Variants in TENM3 observed in about 807,000 individuals in gnomAD.
TENM3 encodes teneurin transmembrane protein 3, also known as teneurin-3.
A neutral mutation model predicts 255.1 loss-of-function variants in TENM3; 63 were observed. The observed-to-expected ratio is 0.25, with a 90% CI of 0.20 to 0.30. The LOEUF (loss-of-function observed/expected upper bound fraction) is 0.30, where lower values mean the gene tolerates loss of function less well. TENM3 is among the 10% of genes least tolerant of loss of function. The probability of loss-of-function intolerance (pLI) is 1.00; values close to 1 mark genes in which losing one functional copy is unlikely to be tolerated. For missense variants in TENM3, 2,929 were observed against 3,461.1 expected, an observed-to-expected ratio of 0.85 and a Z score of 3.86; for synonymous variants, 1,306 against 1,322.3, an observed-to-expected ratio of 0.99 and a Z score of 0.27.
chr4:182,519,839 T>C lies in TENM3; in HGVS notation c.512-81085T>C, dbSNP rs200880600. Among the ~76,000 whole-genome samples, 16 of 152,308 alleles carry C rather than the reference T, an allele frequency of 1.1e-4. No individual in the cohort carries two copies. The East Asian group carries it at 3.1e-3, about 29-fold the overall frequency. ...CTATATTTCAGAATTTCTAACGGAA[T>C]TTCTAAACATTGGTGACTACTTATG... On this transcript the variant is annotated intron_variant, in intron 3 of 27. Transcript: ENST00000511685.
chr4:182,193,162 A>T (rs1483102967), intron 1 of TENM3, among the ~76,000 whole-genome samples: 1 of 152,200 alleles, frequency 6.6e-6, no homozygotes, highest in African/African-American at 2.4e-5. Context: ...ACCTAGGAGG[A>T]TGCTGTTGTA....
At chr4:182,747,486 C>G (rs568180861) in intron 19 of TENM3, among the ~76,000 whole-genome samples, 1 of 152,246 alleles carries the variant, frequency 6.6e-6, no homozygotes, top group South Asian at 2.1e-4. Flanking sequence ...TTAAAAATGT[C>G]TTTCTTTTAG....
intron 12 of TENM3, chr4:182,711,537 ATGTC>A (rs1758748011): frequency 1.0e-6 from 1 of 963,430 alleles, no homozygotes; most frequent in African/African-American, 1.8e-5. Context: ...CACTTCTGAA[ATGTC>A]TGTCTGTTCT....
intron 16 of TENM3, among the ~76,000 whole-genome samples, chr4:182,733,833 A>G (rs1760962458): frequency 6.6e-6 from 1 of 152,202 alleles, no homozygotes; most frequent in Admixed American, 6.5e-5. Flanking sequence ...CAGGAACTCT[A>G]AACTTCGTAG....
chr4:182,057,708 GT>G, the TENM3 span, among the ~76,000 whole-genome samples: 2 of 151,852 alleles, frequency 1.3e-5, no homozygotes, highest in Non-Finnish European at 2.9e-5. Context: ...GCCCCAAATC[GT>G]TCATTTCACC....
At chr4:182,589,379 T>C (rs1238977735) in intron 3 of TENM3, among the ~76,000 whole-genome samples, 1 of 152,028 alleles carries the variant, frequency 6.6e-6, no homozygotes, top group African/African-American at 2.4e-5. Flanking sequence ...TTTTCCTATG[T>C]ACAGACATTC....
chr4:182,792,586 G>C lies in TENM3; in HGVS notation c.5914G>C (p.Glu1972Gln). ...DSTRVSFTYDETAGVLKTVNL... is the reference protein window; with the variant it reads ...DSTRVSFTYDQTAGVLKTVNL... The stretch of plus-strand genomic sequence containing the variant: ...CACAAGAGTCAGTTTTACCTATGAT[G>C]AAACAGCAGGAGTCCTAAAGACAGT... Residue 1972 changes from glutamate (E) to glutamine (Q), a missense_variant, in exon 26 of 28, where the codon GAA becomes CAA. Physicochemically the swap from Glu to Gln is conservative, Grantham distance 29 (BLOSUM62 2). Around this residue, in one of 6 missense-constraint regions of TENM3, gnomAD observed 303 missense variants for 425.2 expected, o/e 0.71. Coordinates refer to ENST00000511685, the MANE Select transcript of TENM3 (RefSeq NM_001080477.4). This position sits in a 1 kb window ranked among gnomAD's most constrained non-coding sequence, Gnocchi z 6.3. The C allele has an allele frequency of 6.2e-7, 1 of 1,613,994 alleles. No homozygotes were observed. Among genetic ancestry groups the C allele is most frequent in the South Asian group, 1.1e-5 (1 of 91,078 alleles).
the TENM3 span, among the ~76,000 whole-genome samples, chr4:181,595,075 C>T: frequency 6.6e-6 from 1 of 152,134 alleles, no homozygotes; most frequent in Non-Finnish European, 1.5e-5. Context: ...GTCTCCCTGG[C>T]TTCCTCTGCC....
the TENM3 span, among the ~76,000 whole-genome samples, chr4:181,551,868 GTGTGTGTGTGTGTGTGTGTGTA>G: frequency 0.016 from 1,072 of 66,242 alleles, 22 homozygotes; most frequent in African/African-American, 0.039. Flanking sequence ...GTGTGTGTGT[GTGTGTGTGTGTGTGTGTGTGTA>G]TATAAATTTT....
chr4:182,779,322 A>G (rs1385549366), intron 24 of TENM3, among the ~76,000 whole-genome samples: 2 of 150,314 alleles, frequency 1.3e-5, no homozygotes, highest in East Asian at 3.9e-4. Context: ...GTTTTTTTGT[A>G]CTTGCGATAG....
chr4:182,274,679 T>G (rs1759873687), intron 1 of TENM3, among the ~76,000 whole-genome samples: 1 of 152,154 alleles, frequency 6.6e-6, no homozygotes, highest in Non-Finnish European at 1.5e-5. Context: ...AAATTAAAGC[T>G]GAGGTCATTT....
chr4:181,685,590 T>C, the TENM3 span, among the ~76,000 whole-genome samples: 1 of 152,194 alleles, frequency 6.6e-6, no homozygotes, highest in Non-Finnish European at 1.5e-5. Flanking sequence ...TCACATTCAC[T>C]CCCAGAGAGC....
At chr4:182,659,510 G>C (rs1157443457) in intron 6 of TENM3, among the ~76,000 whole-genome samples, 1 of 152,120 alleles carries the variant, frequency 6.6e-6, no homozygotes, top group Admixed American at 6.5e-5. Flanking sequence ...TTGGAACACA[G>C]ACCCTATGGA....
the TENM3 span, among the ~76,000 whole-genome samples, chr4:182,088,232 G>C: frequency 6.6e-6 from 1 of 152,122 alleles, no homozygotes; most frequent in African/African-American, 2.4e-5. Context: ...TTTTCATTAT[G>C]AGTACGAAAA....
At chr4:182,045,395 TAAA>T in the TENM3 span, among the ~76,000 whole-genome samples, 7 of 139,460 alleles carry the variant, frequency 5.0e-5, no homozygotes, top group African/African-American at 1.6e-4. Flanking sequence ...TAGCCTCAAT[TAAA>T]AAAAAAAAAA....
intron 5 of TENM3, among the ~76,000 whole-genome samples, chr4:182,652,055 T>G (rs1753357544): frequency 6.6e-6 from 1 of 152,206 alleles, no homozygotes; most frequent in African/African-American, 2.4e-5. Context: ...TGTATTAACT[T>G]TTTCTCTAAA....
At chr4:181,513,469 A>G in the TENM3 span, among the ~76,000 whole-genome samples, 1 of 152,178 alleles carries the variant, frequency 6.6e-6, no homozygotes, top group Non-Finnish European at 1.5e-5. Flanking sequence ...TCATACCAAC[A>G]CTAACCTAGA....
At chr4:181,945,944 T>C in the TENM3 span, among the ~76,000 whole-genome samples, 1 of 152,138 alleles carries the variant, frequency 6.6e-6, no homozygotes, top group Non-Finnish European at 1.5e-5. Context: ...TATTGTTCCT[T>C]TCTGTGTGTG....
At chr4:181,534,591 G>A in the TENM3 span, among the ~76,000 whole-genome samples, 2 of 152,098 alleles carry the variant, frequency 1.3e-5, no homozygotes, top group Admixed American at 1.3e-4. Context: ...CTGAGCCTAG[G>A]TGTTGATTTC....
Sources: gnomAD v4.1 joint callset for allele counts (sites outside exome capture counted in the v4.1 genomes callset) on GRCh38, gnomAD v4.1.1 for gene constraint, gnomAD v4.1.1 regional missense constraint, Gnocchi (gnomAD v3.1) non-coding constraint, MANE v1.5 for transcripts, NCBI Gene and HGNC (gene_info 2026-07-23, HGNC 2026-07-21) for gene names.